MEF2C: variants seen among roughly 807,000 people sequenced by gnomAD.
The protein encoded by MEF2C is myocyte enhancer factor 2C, also known as myocyte-specific enhancer factor 2C.
A neutral mutation model predicts 50.5 loss-of-function variants in MEF2C; 6 were observed. The observed-to-expected ratio is 0.12, with a 90% CI of 0.07 to 0.23. The LOEUF (loss-of-function observed/expected upper bound fraction) is 0.23. Ranked by LOEUF, MEF2C falls within the 10% of genes least tolerant of loss-of-function variation. The probability of loss-of-function intolerance (pLI) is 1.00; values close to 1 mark genes in which losing one functional copy is unlikely to be tolerated. For synonymous variants in MEF2C, 183 were observed against 228.0 expected, an observed-to-expected ratio of 0.80 and a Z score of 1.78; for missense variants, 276 against 605.0, an observed-to-expected ratio of 0.46 and a Z score of 5.70.
At chr5:88,771,620 T>C (rs1782456207) in intron 3 of MEF2C, 1 of 985,398 alleles carries the variant, frequency 1.0e-6, no homozygotes, top group African/African-American at 1.7e-5. Context: ...GTAATATGTG[T>C]GGACTCAACC....
intron 6 of MEF2C, chr5:88,748,787 A>G (rs1561803178): frequency 3.0e-6 from 3 of 985,458 alleles, no homozygotes; most frequent in Non-Finnish European, 3.6e-6. Context: ...TCTTGTGTCC[A>G]AGGATGGTAT....
intron 3 of MEF2C, among the ~76,000 whole-genome samples, chr5:88,795,713 T>C (rs1479180978): frequency 6.6e-6 from 1 of 152,188 alleles, no homozygotes; most frequent in Non-Finnish European, 1.5e-5. Context: ...CTCCCTGTCT[T>C]GTGCAGTTTT....
At chr5:88,738,299 T>C (rs1764965495) in intron 6 of MEF2C, 2 of 985,128 alleles carry the variant, frequency 2.0e-6, no homozygotes, top group African/African-American at 1.7e-5. Context: ...GCTAACACAG[T>C]GTATAGTATT....
At chr5:88,729,526 C>G (rs1252483539) in intron 8 of MEF2C, 179 bp from the exon 9 acceptor site, 8 of 601,512 alleles carry the variant, frequency 1.3e-5, no homozygotes, top group Non-Finnish European at 2.3e-5. Flanking sequence ...TTCAAGAGAC[C>G]AGCTGTTGCC....
At chr5:88,782,101 C>T in intron 3 of MEF2C, 2 of 958,216 alleles carry the variant, frequency 2.1e-6, no homozygotes, top group South Asian at 4.8e-5. Flanking sequence ...TGCACTACTT[C>T]ATTAGGAACT....
At chr5:88,825,596 A>G in intron 1 of MEF2C, 1 of 983,498 alleles carries the variant, frequency 1.0e-6, no homozygotes, top group Non-Finnish European at 1.2e-6. Flanking sequence ...TTAAAATATG[A>G]AAAACCCACA....
chr5:88,722,571 G>GAAAA lies in MEF2C; in HGVS notation c.*29_*32dup. 2 of 1,322,124 alleles carry GAAAA rather than the reference G, an allele frequency of 1.5e-6. No homozygotes were observed. The highest frequency in any genetic ancestry group is 2.5e-5 in the East Asian group (1 of 39,330). 81.9% of individuals were successfully genotyped at this position (1,322,124 alleles called of 1,614,324 possible). On this transcript the variant is annotated 3_prime_UTR_variant, in exon 11 of 11. Coordinates refer to ENST00000504921, the MANE Select transcript of MEF2C (RefSeq NM_002397.5). ...GGTATAGCACACACACACACTGCAA[G>GAAAA]AAAAAAAAAAAAACTAGTAAGTAAT...
At chr5:88,866,620 G>A (rs148321270) in intron 1 of MEF2C, among the ~76,000 whole-genome samples, 264 of 152,246 alleles carry the variant, frequency 1.7e-3, no homozygotes, top group African/African-American at 6.1e-3. Flanking sequence ...GAAAAATTCA[G>A]TTAAAAGCTA....
intron 1 of MEF2C, among the ~76,000 whole-genome samples, chr5:88,858,981 C>T (rs1378794010): frequency 2.0e-5 from 3 of 152,276 alleles, no homozygotes; most frequent in South Asian, 2.1e-4. Context: ...TTGCACATCT[C>T]GACATTGTTT....
chr5:88,840,165 T>C (rs946702162), intron 1 of MEF2C, among the ~76,000 whole-genome samples: 2 of 152,162 alleles, frequency 1.3e-5, no homozygotes, highest in Admixed American at 1.3e-4. Flanking sequence ...AGGAGCAACA[T>C]AACCTTCCTC....
chr5:88,741,488 C>T lies in MEF2C; in HGVS notation c.637+7582G>A, dbSNP rs1455373115. 8.1e-6 allele frequency: 8 copies of T among 985,202 alleles called. No homozygotes were observed. In the South Asian group the frequency reaches 2.8e-4, roughly 35 times the overall value. The allele number at this position is 985,202 out of a possible 1,614,324, so 61.0% of individuals were successfully genotyped here. ...AATATCTGCCTCTGGAATCTTTTCCCAAACTACTCCTTGGGCAAAAATTTT... is the reference window on the plus strand; with the variant it reads ...AATATCTGCCTCTGGAATCTTTTCCTAAACTACTCCTTGGGCAAAAATTTT... On this transcript the variant is annotated intron_variant, in intron 6 of 10. Transcript: ENST00000504921.
chr5:88,789,500 C>T (rs908661434), intron 3 of MEF2C, among the ~76,000 whole-genome samples: 4 of 151,892 alleles, frequency 2.6e-5, no homozygotes, highest in African/African-American at 9.7e-5. Context: ...GAGGAAAAAA[C>T]CCAAACACCC....
chr5:88,819,495 T>A (rs1807218122), intron 2 of MEF2C: 2 of 500,240 alleles, frequency 4.0e-6, no homozygotes, highest in Non-Finnish European at 5.2e-6. Context: ...AGCTCCTCAG[T>A]CAAGCTCTTT....
intron 1 of MEF2C, among the ~76,000 whole-genome samples, chr5:88,880,367 CTGTTT>C: frequency 6.6e-6 from 1 of 152,194 alleles, no homozygotes; most frequent in South Asian, 2.1e-4. Context: ...AGCCAGAATT[CTGTTT>C]AATAACTATG....
intron 6 of MEF2C, chr5:88,735,738 A>AT (rs1209583031): frequency 1.1e-4 from 113 of 984,364 alleles, no homozygotes; most frequent in East Asian, 2.3e-4. Flanking sequence ...CACTTGCTGC[A>AT]TTTTTTTTAT....
chr5:88,812,151 G>A (rs1043414362), intron 2 of MEF2C, among the ~76,000 whole-genome samples: 2 of 152,112 alleles, frequency 1.3e-5, no homozygotes, highest in Non-Finnish European at 2.9e-5. Flanking sequence ...GTCAGCTTGT[G>A]TTACCATTAT....
intron 1 of MEF2C, among the ~76,000 whole-genome samples, chr5:88,877,422 C>T (rs1454104597): frequency 6.6e-6 from 1 of 151,902 alleles, no homozygotes; most frequent in Non-Finnish European, 1.5e-5. Flanking sequence ...ACCTAATTTC[C>T]ATATTTAATA....
chr5:88,824,146 T>C, intron 1 of MEF2C: 1 of 919,744 alleles, frequency 1.1e-6, no homozygotes, highest in Non-Finnish European at 1.3e-6. Context: ...ATAAGTAATT[T>C]AACAAGTCAT....
chr5:88,844,537 T>C (rs1247454054), intron 1 of MEF2C: 3 of 341,320 alleles, frequency 8.8e-6, no homozygotes, highest in South Asian at 1.2e-4. Flanking sequence ...GGTTTTTGTT[T>C]TGTTTCTGCT....
Sources: gnomAD v4.1 joint callset for allele counts (sites outside exome capture counted in the v4.1 genomes callset) on GRCh38, gnomAD v4.1.1 for gene constraint, MANE v1.5 for transcripts, NCBI Gene and HGNC (gene_info 2026-07-23, HGNC 2026-07-21) for gene names.